Variants in RBM20 observed in about 807,000 individuals in gnomAD.
RBM20 encodes RNA binding motif protein 20, also known as RNA-binding protein 20.
RBM20 carries 51 observed loss-of-function variants against 110.1 expected under a neutral mutation model. The observed-to-expected ratio is 0.46, with a 90% confidence interval of 0.37 to 0.59. The LOEUF (loss-of-function observed/expected upper bound fraction) is 0.59, where lower values mean the gene tolerates loss of function less well. Ranked by LOEUF, RBM20 falls within the 20% of genes least tolerant of loss-of-function variation. RBM20 has a pLI of 0.00. For synonymous variants in RBM20, 589 were observed against 618.2 expected, an observed-to-expected ratio of 0.95 and a Z score of 0.70; for missense variants, 1,512 against 1,574.9, an observed-to-expected ratio of 0.96 and a Z score of 0.68.
At chr10:110,777,841 T>C (rs1447252304) in intron 1 of RBM20, among the ~76,000 whole-genome samples, 1 of 152,224 alleles carries the variant, frequency 6.6e-6, no homozygotes, top group Non-Finnish European at 1.5e-5. Context: ...ACTCTGGTCA[T>C]GGAAACCAAC....
At position 110,809,218 on chromosome 10, in the gene RBM20, T is replaced by TAAAAAAAA. The variant is rs60697105; in HGVS notation, c.1801-1158_1801-1151dup. On this transcript the variant is annotated intron_variant, in intron 7 of 13. Coordinates refer to ENST00000369519, the MANE Select transcript of RBM20 (RefSeq NM_001134363.3). ...AGTGACAGAGCAAGACCCCGTTTCT[T>TAAAAAAAA]AAAAAAAAAAAAAATTGCATGATTC... Among the ~76,000 whole-genome samples, 55 of 60,720 alleles carry TAAAAAAAA rather than the reference T, an allele frequency of 9.1e-4. 4 individuals are homozygous for TAAAAAAAA. Among genetic ancestry groups the TAAAAAAAA allele is most frequent in the African/African-American group, 1.8e-3 (36 of 19,762 alleles). The allele number at this position is 60,720 out of a possible 152,430, so 39.8% of individuals were successfully genotyped here.
intron 1 of RBM20, among the ~76,000 whole-genome samples, chr10:110,741,010 T>A (rs1295249636): frequency 6.6e-6 from 1 of 152,138 alleles, no homozygotes; most frequent in African/African-American, 2.4e-5. Context: ...TTTGATTGGG[T>A]GGCATTCACC....
At chr10:110,724,787 C>G (rs1024159699) in intron 1 of RBM20, among the ~76,000 whole-genome samples, 2 of 152,166 alleles carry the variant, frequency 1.3e-5, no homozygotes, top group African/African-American at 4.8e-5. Flanking sequence ...ACCATTATCA[C>G]AGGAGATGCT....
At chr10:110,719,534 G>T (rs953619213) in intron 1 of RBM20, among the ~76,000 whole-genome samples, 4 of 151,884 alleles carry the variant, frequency 2.6e-5, no homozygotes, top group Non-Finnish European at 4.4e-5. Context: ...TTTTGTTTTT[G>T]TCTCGCGGGT....
chr10:110,709,768 C>G (rs923709880), intron 1 of RBM20, among the ~76,000 whole-genome samples: 1 of 151,792 alleles, frequency 6.6e-6, no homozygotes, highest in East Asian at 1.9e-4. Context: ...TGGGGGGTCT[C>G]ATTTTGTTGC....
At chr10:110,698,129 C>G (rs1435138705) in intron 1 of RBM20, among the ~76,000 whole-genome samples, 1 of 152,114 alleles carries the variant, frequency 6.6e-6, no homozygotes, top group Non-Finnish European at 1.5e-5. Flanking sequence ...AGGATAGTCT[C>G]GATCTCCTGA....
chr10:110,742,368 CA>C (rs1843734090), intron 1 of RBM20, among the ~76,000 whole-genome samples: 1 of 152,176 alleles, frequency 6.6e-6, no homozygotes, highest in South Asian at 2.1e-4. Flanking sequence ...CTCTAATGGA[CA>C]AACTTTCCAC....
At chr10:110,814,177 C>G (rs2135108765) in intron 9 of RBM20, among the ~76,000 whole-genome samples, 1 of 152,288 alleles carries the variant, frequency 6.6e-6, no homozygotes, top group African/African-American at 2.4e-5. Context: ...GAAGAGTCAC[C>G]TTTTGGATGC....
intron 5 of RBM20, among the ~76,000 whole-genome samples, chr10:110,787,660 G>T (rs1844436190): frequency 6.6e-6 from 1 of 152,226 alleles, no homozygotes; most frequent in South Asian, 2.1e-4. Flanking sequence ...TTTGTGTGTT[G>T]ATTCTAATTA....
chr10:110,686,929 C>T (rs1316363234), intron 1 of RBM20, among the ~76,000 whole-genome samples: 1 of 151,704 alleles, frequency 6.6e-6, no homozygotes, highest in African/African-American at 2.4e-5. Flanking sequence ...GTCCCAGCTA[C>T]TCGAGAGGCT....
At position 110,672,503 on chromosome 10, in the gene RBM20, C is replaced by G. The variant is rs1020980341; in HGVS notation, c.191+27858C>G. Reference sequence around the variant, plus strand: ...GTCCTCCCTCGCCCGGCGGAGCTTCCGTGATCGTCAGCCAAAGCCCCCGGG... The same window carrying G: ...GTCCTCCCTCGCCCGGCGGAGCTTCGGTGATCGTCAGCCAAAGCCCCCGGG... On this transcript the variant is annotated intron_variant, in intron 1 of 13. Coordinates refer to ENST00000369519, the MANE Select transcript of RBM20 (RefSeq NM_001134363.3). 3.3e-5 allele frequency among the ~76,000 whole-genome samples: 5 copies of G among 152,352 alleles called. No homozygotes were observed. In the South Asian group the frequency reaches 8.3e-4, roughly 25 times the overall value.
chr10:110,789,183 T>A (rs899181573), intron 5 of RBM20, among the ~76,000 whole-genome samples: 2 of 152,248 alleles, frequency 1.3e-5, no homozygotes, highest in Non-Finnish European at 2.9e-5. Context: ...GAGCAGTTAC[T>A]GCCTCTAAAG....
intron 1 of RBM20, among the ~76,000 whole-genome samples, chr10:110,755,526 A>C (rs1294942697): frequency 6.6e-6 from 1 of 152,248 alleles, no homozygotes; most frequent in Non-Finnish European, 1.5e-5. Flanking sequence ...TCTATTGTGT[A>C]AAATTTTACA....
chr10:110,812,337 C>T lies in RBM20; in HGVS notation c.1940C>T (p.Ser647Phe). The change falls in exon 9 of 14, where the codon TCC becomes TTC. Residue 647 changes from serine to phenylalanine, a missense_variant. Ser to Phe is a radical substitution (Grantham distance 155, BLOSUM62 -2). This residue lies in a region of RBM20 where 1,149 missense variants were observed against 1,169.4 expected (regional missense o/e 0.98). Transcript: ENST00000369519. ...GTGAGCCGGTCACTCTCCCCGAGGTCCCACACTCCCAGCTTCACCTCCTGC... is the reference window on the plus strand; with the variant it reads ...GTGAGCCGGTCACTCTCCCCGAGGTTCCACACTCCCAGCTTCACCTCCTGC... ...SPVSRSLSPR[S>F]HTPSFTSCSS... 3 of 1,551,544 alleles carry T rather than the reference C, an allele frequency of 1.9e-6. No homozygotes were observed. Among genetic ancestry groups the T allele is most frequent in the Non-Finnish European group, 2.6e-6 (3 of 1,146,992 alleles).
intron 5 of RBM20, among the ~76,000 whole-genome samples, chr10:110,785,123 A>G (rs1229602234): frequency 2.0e-5 from 3 of 152,004 alleles, no homozygotes; most frequent in Non-Finnish European, 2.9e-5. Context: ...CCCTGCCTCA[A>G]ATACCTCTCT....
chr10:110,819,921 A>C (rs1844886496), intron 9 of RBM20, 151 bp from the exon 10 acceptor site: 1 of 507,682 alleles, frequency 2.0e-6, no homozygotes, highest in South Asian at 3.9e-5. Context: ...TGCTGATAGC[A>C]GCTGCCTCCA....
chr10:110,730,461 G>A lies in RBM20; in HGVS notation c.192-50340G>A, dbSNP rs992160092. On this transcript the variant is annotated intron_variant, in intron 1 of 13. Coordinates refer to ENST00000369519, the MANE Select transcript of RBM20 (RefSeq NM_001134363.3). ...CAGGTCCTCCAGCAGAAATGAACAC[G>A]GCTTCAGTCCCGAGGACTCCTCTAG... is the stretch of plus-strand genomic sequence containing the variant. Among the ~76,000 whole-genome samples the A allele has an allele frequency of 3.9e-5, 6 of 152,278 alleles. No individual in the cohort carries two copies. The South Asian group carries it at 1.2e-3, about 32-fold the overall frequency.
chr10:110,758,410 G>T (rs1843949809), intron 1 of RBM20, among the ~76,000 whole-genome samples: 1 of 152,168 alleles, frequency 6.6e-6, no homozygotes, highest in Non-Finnish European at 1.5e-5. Flanking sequence ...ATAAAGATAG[G>T]ATAAGGGAGG....
At chr10:110,768,247 A>G (rs56303626) in intron 1 of RBM20, among the ~76,000 whole-genome samples, 1 of 148,876 alleles carries the variant, frequency 6.7e-6, no homozygotes, top group Non-Finnish European at 1.5e-5. Flanking sequence ...GAGGGAGGGA[A>G]AGGGAGAGGG....
Sources: allele counts gnomAD v4.1 joint callset (sites outside exome capture counted in the v4.1 genomes callset), GRCh38; gene constraint gnomAD v4.1.1; regional missense constraint gnomAD v4.1.1; transcripts MANE v1.5; gene names NCBI Gene and HGNC (gene_info 2026-07-23, HGNC 2026-07-21).